The following CACNA1C variants were observed in gnomAD, a reference collection of about 807,000 sequenced individuals.
The protein encoded by CACNA1C is voltage-dependent L-type calcium channel subunit alpha-1C.
A neutral mutation model predicts 229.0 loss-of-function variants in CACNA1C; 30 were observed. The ratio of observed to expected loss-of-function variants is 0.13; its 90% CI spans 0.10 to 0.18. The LOEUF is 0.18. Ranked by LOEUF, CACNA1C falls within the 10% of genes least tolerant of loss-of-function variation. CACNA1C has a pLI of 1.00. For missense variants in CACNA1C, 1,658 were observed against 2,845.0 expected, an observed-to-expected ratio of 0.58 and a Z score of 9.49; for synonymous variants, 1,114 against 1,132.5, an observed-to-expected ratio of 0.98 and a Z score of 0.33.
At chr12:2,399,596 AC>A (rs1198237272) in intron 3 of CACNA1C, among the ~76,000 whole-genome samples, 1 of 151,916 alleles carries the variant, frequency 6.6e-6, no homozygotes, top group Non-Finnish European at 1.5e-5. Flanking sequence ...ATGTTCAGAC[AC>A]CTCTTCTCTT....
At chr12:2,444,234 T>C (rs1375925568) in intron 3 of CACNA1C, among the ~76,000 whole-genome samples, 1 of 152,188 alleles carries the variant, frequency 6.6e-6, no homozygotes, top group African/African-American at 2.4e-5. Flanking sequence ...GGTCAGAAAG[T>C]CTGGTTTCCT....
chr12:2,369,223 A>C (rs1357842181), intron 3 of CACNA1C, among the ~76,000 whole-genome samples: 1 of 152,088 alleles, frequency 6.6e-6, no homozygotes, highest in African/African-American at 2.4e-5. Context: ...AATTCCCCTC[A>C]ATTTATGTAT....
At chr12:2,161,047 T>C (rs10774028) in intron 3 of CACNA1C, among the ~76,000 whole-genome samples, 22,701 of 152,214 alleles carry the variant, frequency 0.15, 5,068 homozygotes, top group African/African-American at 0.49. Context: ...GTCTCGAACT[T>C]CTGGCCTCGT....
chr12:2,458,826 A>C (rs917754383), intron 5 of CACNA1C, among the ~76,000 whole-genome samples: 1 of 152,146 alleles, frequency 6.6e-6, no homozygotes, highest in African/African-American at 2.4e-5. Flanking sequence ...GAATAGTGAA[A>C]AGATCTTCCT....
At chr12:2,533,084 C>T (rs946420040) in intron 9 of CACNA1C, among the ~76,000 whole-genome samples, 2 of 152,162 alleles carry the variant, frequency 1.3e-5, no homozygotes, top group African/African-American at 4.8e-5. Flanking sequence ...TGAAGAAGGC[C>T]TTTGATTCAG....
At chr12:2,671,518 AC>A (rs2096569438) in intron 38 of CACNA1C, among the ~76,000 whole-genome samples, 1 of 152,180 alleles carries the variant, frequency 6.6e-6, no homozygotes, top group Non-Finnish European at 1.5e-5. Flanking sequence ...GATATAAATG[AC>A]TGCCAGGAGG....
rs377629075 is a variant in CACNA1C, at chr12:2,597,326, C to T, written c.2853+37C>T. 28 of 1,547,332 alleles carry T rather than the reference C, an allele frequency of 1.8e-5. No individual in the cohort carries two copies. In the African/African-American group the frequency reaches 3.4e-4, roughly 19 times the overall value. On this transcript the variant is annotated intron_variant, in intron 21 of 46. Transcript: ENST00000399655. This position sits in a 1 kb window ranked among gnomAD's most constrained non-coding sequence, Gnocchi z 4.3. ...ATCCCCTTCTGCTCCTCCTGTCCCC[C>T]TTGTGCCAGCACCAGGTCTCTGCCG...
At chr12:2,405,477 G>T (rs1361356536) in intron 3 of CACNA1C, among the ~76,000 whole-genome samples, 1 of 151,912 alleles carries the variant, frequency 6.6e-6, no homozygotes, top group Non-Finnish European at 1.5e-5. Flanking sequence ...CTATAATTTT[G>T]TCATTTCAAG....
At chr12:2,177,587 C>CCCTTCCTT (rs1555274712) in intron 3 of CACNA1C, among the ~76,000 whole-genome samples, 1,399 of 78,422 alleles carry the variant, frequency 0.018, 24 homozygotes, top group African/African-American at 0.03. Context: ...CTCCCTCCCT[C>CCCTTCCTT]CCTTCCTTCC....
chr12:2,648,576 C>G, intron 31 of CACNA1C, 69 bp downstream of exon 31: 4 of 1,455,980 alleles, frequency 2.7e-6, no homozygotes, highest in Non-Finnish European at 3.9e-6. Context: ...CTCTCCCCAC[C>G]CCGAACTCCA....
chr12:1,985,797 A>C (rs759202104), intron 1 of CACNA1C, among the ~76,000 whole-genome samples: 3 of 152,022 alleles, frequency 2.0e-5, no homozygotes, highest in Non-Finnish European at 4.4e-5. Context: ...GATGCTTCCC[A>C]TATCAGTTCC....
chr12:2,192,975 CTGTT>C (rs1043515296), intron 3 of CACNA1C, among the ~76,000 whole-genome samples: 10 of 152,232 alleles, frequency 6.6e-5, no homozygotes, highest in South Asian at 2.1e-4. Context: ...AAACAGCTGT[CTGTT>C]TGAGCAGATT....
chr12:2,393,122 G>T (rs901848033), intron 3 of CACNA1C, among the ~76,000 whole-genome samples: 1 of 152,098 alleles, frequency 6.6e-6, no homozygotes, highest in Non-Finnish European at 1.5e-5. Flanking sequence ...GTCCTGCCTC[G>T]TAGCTGGAAG....
chr12:2,071,172 C>CCTG (rs2061184795), intron 1 of CACNA1C, among the ~76,000 whole-genome samples: 2 of 16,042 alleles, frequency 1.2e-4, no homozygotes, highest in African/African-American at 3.9e-4. Flanking sequence ...CTCCCTCCCT[C>CCTG]CCTGCCTGCC....
At chr12:2,622,471 T>C (rs922413412) in intron 29 of CACNA1C, among the ~76,000 whole-genome samples, 1 of 152,130 alleles carries the variant, frequency 6.6e-6, no homozygotes, top group Non-Finnish European at 1.5e-5. Flanking sequence ...TCTCCCATAC[T>C]AGAAATCCTT....
chr12:2,454,277 A>G (rs537486339), intron 4 of CACNA1C, among the ~76,000 whole-genome samples: 8 of 152,248 alleles, frequency 5.3e-5, no homozygotes, highest in East Asian at 1.9e-4. Context: ...TGGGGAACCT[A>G]TCTCAGTAGT....
At chr12:2,218,839 C>T (rs889638950) in intron 3 of CACNA1C, among the ~76,000 whole-genome samples, 1 of 152,160 alleles carries the variant, frequency 6.6e-6, no homozygotes, top group Non-Finnish European at 1.5e-5. Context: ...TTTTAAGCAT[C>T]TGGCAGCTGC....
At chr12:2,327,297 G>C (rs1194278364) in intron 3 of CACNA1C, among the ~76,000 whole-genome samples, 2 of 152,236 alleles carry the variant, frequency 1.3e-5, no homozygotes, top group East Asian at 1.9e-4. Flanking sequence ...GGTAACTGCT[G>C]TACGTATACT....
At chr12:2,126,428 G>A (rs888321269) in intron 3 of CACNA1C, among the ~76,000 whole-genome samples, 4 of 152,220 alleles carry the variant, frequency 2.6e-5, no homozygotes, top group Non-Finnish European at 5.9e-5. Context: ...CTCTGCAAGC[G>A]GAGCCGACTC....
Sources: gnomAD v4.1 joint callset for allele counts (sites outside exome capture counted in the v4.1 genomes callset) on GRCh38, gnomAD v4.1.1 for gene constraint, Gnocchi (gnomAD v3.1) non-coding constraint, MANE v1.5 for transcripts, NCBI Gene and HGNC (gene_info 2026-07-23, HGNC 2026-07-21) for gene names.